COMMD1: variants seen among roughly 807,000 people sequenced by gnomAD.
COMMD1 encodes the protein copper metabolism domain containing 1, also known as COMM domain-containing protein 1.
COMMD1 carries 10 observed loss-of-function variants against 17.2 expected under a neutral mutation model. The observed-to-expected ratio is 0.58, with a 90% CI of 0.36 to 0.99. The LOEUF (loss-of-function observed/expected upper bound fraction) is 0.99. Among genes scored for constraint, COMMD1 ranks in the 50% least tolerant of loss-of-function variants. The pLI is 0.01. For synonymous variants in COMMD1, 97 were observed against 91.6 expected (o/e 1.06, Z -0.34); for missense variants, 270 against 231.8 (o/e 1.17, Z -1.07).
chr2:62,021,765 A>G (rs966960866), intron 2 of COMMD1, among the ~76,000 whole-genome samples: 3 of 152,232 alleles, frequency 2.0e-5, no homozygotes, highest in Non-Finnish European at 2.9e-5. Flanking sequence ...CTGTATAACC[A>G]TAAAGAATAC....
intron 1 of COMMD1, among the ~76,000 whole-genome samples, chr2:61,895,222 T>C (rs546253461): frequency 2.0e-5 from 3 of 152,280 alleles, no homozygotes; most frequent in African/African-American, 7.2e-5. Context: ...CTGCCTCACT[T>C]GTGTCTCCCC....
intron 1 of COMMD1, among the ~76,000 whole-genome samples, chr2:61,898,037 A>G (rs766549446): frequency 6.6e-6 from 1 of 152,220 alleles, no homozygotes; most frequent in East Asian, 1.9e-4. Flanking sequence ...TTTAGGTACT[A>G]AGTAATAACA....
chr2:61,935,161 T>A (rs1203221337), intron 1 of COMMD1, among the ~76,000 whole-genome samples: 1 of 152,220 alleles, frequency 6.6e-6, no homozygotes, highest in Non-Finnish European at 1.5e-5. Context: ...CAGATTTTAG[T>A]TCCTAGTGAC....
chr2:61,988,966 C>T (rs192769877), intron 1 of COMMD1, among the ~76,000 whole-genome samples: 1 of 152,288 alleles, frequency 6.6e-6, no homozygotes, highest in East Asian at 1.9e-4. Context: ...TGCACTCTCC[C>T]TCTCCCAAAC....
intron 1 of COMMD1, among the ~76,000 whole-genome samples, chr2:61,990,887 A>T (rs1270931395): frequency 0.041 from 3,902 of 94,700 alleles, 80 homozygotes; most frequent in East Asian, 0.087. Context: ...CAAAAAAAAA[A>T]AAAAATATAT....
intron 2 of COMMD1, among the ~76,000 whole-genome samples, chr2:62,106,116 G>C (rs1278730761): frequency 1.3e-5 from 2 of 152,152 alleles, no homozygotes; most frequent in African/African-American, 4.8e-5. Context: ...GTTAACCTCA[G>C]ACTTCCAATG....
intron 1 of COMMD1, among the ~76,000 whole-genome samples, chr2:61,890,058 A>T (rs1377277732): frequency 6.6e-6 from 1 of 152,208 alleles, no homozygotes; most frequent in Non-Finnish European, 1.5e-5. Context: ...TCCTATGACC[A>T]CTATATTTCA....
upstream of COMMD1, among the ~76,000 whole-genome samples, chr2:61,901,941 C>T (rs1282334555): frequency 6.6e-6 from 1 of 152,010 alleles, no homozygotes; most frequent in Non-Finnish European, 1.5e-5. Flanking sequence ...TCAAGCGATT[C>T]TCCTGCCTCA....
intron 1 of COMMD1, among the ~76,000 whole-genome samples, chr2:61,945,484 T>C (rs1259268261): frequency 1.3e-5 from 2 of 152,160 alleles, no homozygotes; most frequent in Admixed American, 6.5e-5. Context: ...CAAGCACCAG[T>C]AGGCGATTTG....
At chr2:61,890,577 A>G (rs1477574344) in intron 1 of COMMD1, among the ~76,000 whole-genome samples, 1 of 152,086 alleles carries the variant, frequency 6.6e-6, no homozygotes, top group Non-Finnish European at 1.5e-5. Flanking sequence ...TCAGTAGCTC[A>G]CGCCTGTAAT....
rs370056296 is a variant in COMMD1, at chr2:62,053,032, A to G, written c.462+52050A>G. Among the ~76,000 whole-genome samples the G allele has an allele frequency of 2.6e-5, 4 of 152,290 alleles. No homozygotes were observed. The East Asian group carries it at 7.7e-4, about 29-fold the overall frequency. On this transcript the variant is annotated intron_variant, in intron 2 of 2. Coordinates refer to ENST00000311832, the MANE Select transcript of COMMD1 (RefSeq NM_152516.4). ...GAGGTTGAGGCTGCAGTGAGCTGTG[A>G]TCACACCACTGCACTCCAGCCTAGG...
intron 2 of COMMD1, among the ~76,000 whole-genome samples, chr2:62,132,690 A>C (rs1423010903): frequency 6.6e-6 from 1 of 152,122 alleles, no homozygotes; most frequent in African/African-American, 2.4e-5. Context: ...ATTGAAAAAA[A>C]ATACAAAAAT....
chr2:62,104,648 A>C (rs1246275227), intron 2 of COMMD1, among the ~76,000 whole-genome samples: 2 of 151,504 alleles, frequency 1.3e-5, no homozygotes, highest in South Asian at 2.1e-4. Flanking sequence ...AAAAAAAAAA[A>C]AAAAAACAAT....
At chr2:61,901,483 C>T (rs575346978), upstream of COMMD1, among the ~76,000 whole-genome samples, 2 of 151,784 alleles carry the variant, frequency 1.3e-5, no homozygotes, top group East Asian at 2.0e-4. Flanking sequence ...ATTAGGTCAG[C>T]GTGGTGGTGT....
In COMMD1 at chr2:62,073,296, G is replaced by A. The variant is rs116670987; in HGVS notation, c.463-62535G>A. Reference sequence around the variant, plus strand: ...CCTGCATCTAGGAGAGATTAATTGAGAGTCTGATGACTTTAAGTTCTAAAA... The same window carrying A: ...CCTGCATCTAGGAGAGATTAATTGAAAGTCTGATGACTTTAAGTTCTAAAA... On this transcript the variant is annotated intron_variant, in intron 2 of 2. Coordinates refer to ENST00000311832, the MANE Select transcript of COMMD1 (RefSeq NM_152516.4). Among the ~76,000 whole-genome samples, 928 of 152,274 alleles carry A rather than the reference G, an allele frequency of 6.1e-3. 10 individuals carry two copies. Among genetic ancestry groups the A allele is most frequent in the African/African-American group, 0.021 (870 of 41,536 alleles).
chr2:62,018,509 T>C (rs1347515647), intron 2 of COMMD1, among the ~76,000 whole-genome samples: 2 of 152,234 alleles, frequency 1.3e-5, no homozygotes, highest in East Asian at 1.9e-4. Context: ...TTACTTATCA[T>C]GTCTCCCAAT....
chr2:62,117,245 A>G (rs915491590), intron 2 of COMMD1, among the ~76,000 whole-genome samples: 6 of 152,176 alleles, frequency 3.9e-5, no homozygotes, highest in African/African-American at 4.8e-5. Context: ...ACACTACTAC[A>G]TTCATGCTAG....
chr2:62,076,157 A>C (rs1382273107), intron 2 of COMMD1, among the ~76,000 whole-genome samples: 2 of 152,226 alleles, frequency 1.3e-5, no homozygotes, highest in African/African-American at 2.4e-5. Flanking sequence ...TCATCCCTTA[A>C]CAGATCAGTA....
At chr2:62,084,520 G>T (rs1031558958) in intron 2 of COMMD1, among the ~76,000 whole-genome samples, 2 of 152,146 alleles carry the variant, frequency 1.3e-5, no homozygotes, top group Non-Finnish European at 2.9e-5. Context: ...TGTTGTAGGG[G>T]TGGCAGAGGG....
Sources: gnomAD v4.1 joint callset for allele counts (sites outside exome capture counted in the v4.1 genomes callset) on GRCh38, gnomAD v4.1.1 for gene constraint, MANE v1.5 for transcripts, NCBI Gene and HGNC (gene_info 2026-07-23, HGNC 2026-07-21) for gene names.